The following TENM3 variants were observed in gnomAD, a reference collection of about 807,000 sequenced individuals.
TENM3 encodes teneurin-3.
TENM3 carries 63 observed loss-of-function variants against 255.1 expected under a neutral mutation model. The observed-to-expected ratio is 0.25, with a 90% CI of 0.20 to 0.30. The LOEUF (loss-of-function observed/expected upper bound fraction) is 0.30, where lower values mean the gene tolerates loss of function less well. TENM3 is among the 10% of genes least tolerant of loss of function. TENM3 has a pLI of 1.00. For missense variants in TENM3, 2,929 were observed against 3,461.1 expected (o/e 0.85, Z 3.86); for synonymous variants, 1,306 against 1,322.3 (o/e 0.99, Z 0.27).
chr4:182,521,364 C>T (rs1202112655), intron 3 of TENM3, among the ~76,000 whole-genome samples: 2 of 152,276 alleles, frequency 1.3e-5, no homozygotes, highest in Middle Eastern at 6.8e-3. Flanking sequence ...TAGTAGTTGT[C>T]TTTGGTACTA....
At chr4:181,483,910 T>C in the TENM3 span, among the ~76,000 whole-genome samples, 1 of 152,308 alleles carries the variant, frequency 6.6e-6, no homozygotes, top group Admixed American at 6.5e-5. Context: ...TTGCCCTGAT[T>C]CCTTACAGTT....
chr4:181,500,115 G>A, the TENM3 span, among the ~76,000 whole-genome samples: 7 of 150,914 alleles, frequency 4.6e-5, no homozygotes, highest in South Asian at 1.1e-3. Context: ...TGCAACCTAC[G>A]CCTCTTAGGT....
chr4:181,579,661 C>T, the TENM3 span, among the ~76,000 whole-genome samples: 106 of 152,234 alleles, frequency 7.0e-4, no homozygotes, highest in African/African-American at 2.5e-3. Flanking sequence ...ACTTTCAACT[C>T]GGCATCTTTT....
chr4:182,561,456 A>G (rs1377136853), intron 3 of TENM3, among the ~76,000 whole-genome samples: 1 of 151,406 alleles, frequency 6.6e-6, no homozygotes, highest in Non-Finnish European at 1.5e-5. Flanking sequence ...TAAAAAAAAA[A>G]GGAAAGAAAC....
At chr4:182,186,975 C>CT (rs999206487) in intron 1 of TENM3, among the ~76,000 whole-genome samples, 3 of 149,992 alleles carry the variant, frequency 2.0e-5, no homozygotes, top group African/African-American at 4.9e-5. Flanking sequence ...TATGCTTTGC[C>CT]TTTTTTTAAT....
chr4:181,598,878 G>T, the TENM3 span, among the ~76,000 whole-genome samples: 1 of 151,986 alleles, frequency 6.6e-6, no homozygotes, highest in South Asian at 2.1e-4. Flanking sequence ...AAACACGCAG[G>T]TTTTTCAAAT....
At chr4:182,387,557 C>T (rs889573474) in intron 3 of TENM3, among the ~76,000 whole-genome samples, 1 of 152,138 alleles carries the variant, frequency 6.6e-6, no homozygotes, top group African/African-American at 2.4e-5. Flanking sequence ...CTAAATTTTG[C>T]TACTGCTCAT....
chr4:181,504,009 G>A, the TENM3 span, among the ~76,000 whole-genome samples: 1 of 152,164 alleles, frequency 6.6e-6, no homozygotes, highest in Non-Finnish European at 1.5e-5. Context: ...GTTAATCCAA[G>A]GTTTTAGTGA....
At chr4:181,879,266 AAAAG>A in the TENM3 span, among the ~76,000 whole-genome samples, 8 of 152,186 alleles carry the variant, frequency 5.3e-5, no homozygotes, top group South Asian at 2.1e-4. Context: ...ATTACAGGCA[AAAAG>A]AAAGAAAGTT....
the TENM3 span, among the ~76,000 whole-genome samples, chr4:181,619,753 A>G: frequency 6.6e-6 from 1 of 152,090 alleles, no homozygotes; most frequent in Admixed American, 6.5e-5. Flanking sequence ...AAACAAATCA[A>G]TGCGCATGTC....
chr4:182,147,621 A>G (rs1225736574), intron 1 of TENM3, among the ~76,000 whole-genome samples: 1 of 152,162 alleles, frequency 6.6e-6, no homozygotes, highest in Non-Finnish European at 1.5e-5. Flanking sequence ...CACATTGCTC[A>G]TCTACCCTGT....
At chr4:181,750,067 C>A in the TENM3 span, among the ~76,000 whole-genome samples, 5 of 152,286 alleles carry the variant, frequency 3.3e-5, no homozygotes, top group African/African-American at 1.2e-4. Context: ...TGTCCACCTG[C>A]TTTGGTCCAT....
chr4:182,155,941 C>T (rs924366269), intron 1 of TENM3, among the ~76,000 whole-genome samples: 12 of 151,884 alleles, frequency 7.9e-5, no homozygotes, highest in African/African-American at 2.9e-4. Flanking sequence ...TGAACCCTCA[C>T]AATCCCTTTC....
At chr4:181,861,974 C>G in the TENM3 span, among the ~76,000 whole-genome samples, 1 of 152,016 alleles carries the variant, frequency 6.6e-6, no homozygotes, top group Admixed American at 6.6e-5. Flanking sequence ...AGAAATATCC[C>G]CACAGATTGA....
Position 182,346,779 on chromosome 4 carries a change from G to A in TENM3, c.361G>A (p.Glu121Lys). The A allele has an allele frequency of 6.2e-7, 1 of 1,613,534 alleles. No homozygotes were observed. The highest frequency in any genetic ancestry group is 8.5e-7 in the Non-Finnish European group (1 of 1,179,734). Reference sequence around the variant, plus strand: ...CAGTGCAGGGTCAGATGCTGATACTGAAAATGAAGCAGTGATGTCCCCAGA... The same window carrying A: ...CAGTGCAGGGTCAGATGCTGATACTAAAAATGAAGCAGTGATGTCCCCAGA... ...SISAGSDADTENEAVMSPEHA... is the reference protein window; with the variant it reads ...SISAGSDADTKNEAVMSPEHA... The change falls in exon 3 of 28, where the codon GAA becomes AAA. Residue 121 changes from glutamate to lysine, a missense_variant. Glu to Lys is a moderately conservative substitution (Grantham distance 56). Coordinates refer to ENST00000511685, the MANE Select transcript of TENM3 (RefSeq NM_001080477.4).
the TENM3 span, among the ~76,000 whole-genome samples, chr4:181,648,675 C>G: frequency 1.1e-4 from 17 of 152,248 alleles, no homozygotes; most frequent in African/African-American, 3.9e-4. Context: ...AGGGAGCATT[C>G]AGTTGTTAAG....
the TENM3 span, among the ~76,000 whole-genome samples, chr4:181,687,441 G>A: frequency 6.6e-6 from 1 of 152,116 alleles, no homozygotes; most frequent in African/African-American, 2.4e-5. Flanking sequence ...CAGCTTCATA[G>A]TCTTATAAAA....
At chr4:182,081,890 G>A in the TENM3 span, 1 of 152,134 alleles carries the variant, frequency 6.6e-6, no homozygotes, top group Non-Finnish European at 1.5e-5. Flanking sequence ...ACTGAACTGA[G>A]GCTTTTGTGT....
intron 1 of TENM3, among the ~76,000 whole-genome samples, chr4:182,175,760 C>T (rs1752445620): frequency 6.6e-6 from 1 of 152,190 alleles, no homozygotes; most frequent in Admixed American, 6.5e-5. Flanking sequence ...TGCTGAACCC[C>T]TAAATTTGAA....
Sources: gnomAD v4.1 joint callset for allele counts (sites outside exome capture counted in the v4.1 genomes callset) on GRCh38, gnomAD v4.1.1 for gene constraint, MANE v1.5 for transcripts, NCBI Gene and HGNC (gene_info 2026-07-23, HGNC 2026-07-21) for gene names.